Variants in FGFR1OP2 observed in about 807,000 individuals in gnomAD.
The protein encoded by FGFR1OP2 is fibroblast growth factor receptor 1 oncogene partner 2.
In FGFR1OP2, 17 loss-of-function variants were observed where a neutral mutation model predicts 35.2. The ratio of observed to expected loss-of-function variants is 0.48; its 90% CI spans 0.33 to 0.73. The LOEUF is 0.73. Ranked by LOEUF, FGFR1OP2 falls within the 30% of genes least tolerant of loss-of-function variation. The pLI, the probability that FGFR1OP2 is intolerant of heterozygous loss-of-function variation, is 0.02. For synonymous variants in FGFR1OP2, 105 were observed against 104.6 expected, an observed-to-expected ratio of 1.00 and a Z score of -0.03; for missense variants, 251 against 307.3, an observed-to-expected ratio of 0.82 and a Z score of 1.37.
intron 1 of FGFR1OP2, among the ~76,000 whole-genome samples, chr12:26,944,137 G>A (rs932721249): frequency 6.6e-6 from 1 of 152,076 alleles, no homozygotes; most frequent in African/African-American, 2.4e-5. Flanking sequence ...TGTATCCTGT[G>A]ACATTGCTAA....
At chr12:26,940,910 T>A (rs546910023) in intron 1 of FGFR1OP2, among the ~76,000 whole-genome samples, 5 of 152,190 alleles carry the variant, frequency 3.3e-5, no homozygotes, top group Non-Finnish European at 5.9e-5. Context: ...AAATTTTGAC[T>A]TGAATTTCCT....
intron 1 of FGFR1OP2, among the ~76,000 whole-genome samples, chr12:26,941,397 G>T (rs1248752894): frequency 6.6e-6 from 1 of 152,150 alleles, no homozygotes; most frequent in Non-Finnish European, 1.5e-5. Flanking sequence ...TTAAACTTTT[G>T]TGTGTGTGGT....
intron 2 of FGFR1OP2, 33 bp from the exon 3 acceptor site, chr12:26,956,510 A>G (rs1212380561): frequency 1.2e-6 from 1 of 805,110 alleles, no homozygotes; most frequent in Non-Finnish European, 1.8e-6. Context: ...ATTTGCAGGT[A>G]TTTTCATCCC....
chr12:26,964,114 T>C (rs944273561), intron 6 of FGFR1OP2, among the ~76,000 whole-genome samples: 4 of 152,142 alleles, frequency 2.6e-5, no homozygotes, highest in African/African-American at 9.7e-5. Flanking sequence ...TTTGGTCACT[T>C]ACTTTCCTTC....
At chr12:26,939,247 C>G (rs562613619) in intron 1 of FGFR1OP2, among the ~76,000 whole-genome samples, 34 of 149,696 alleles carry the variant, frequency 2.3e-4, no homozygotes, top group African/African-American at 8.1e-4. Context: ...TTTTTTTTTT[C>G]GCCAGAATTA....
chr12:26,965,709 TTTTAAGCTCCATC>T lies in FGFR1OP2; in HGVS notation c.*978_*990del, dbSNP rs1939166905. Reference sequence around the variant, plus strand: ...TTCAAAAAAAAAGTTCCGGATCTGTTTTTAAGCTCCATCTGGTCCTCATAACCTGCAAGATTTT... The same window carrying T: ...TTCAAAAAAAAAGTTCCGGATCTGTTTGGTCCTCATAACCTGCAAGATTTT... On this transcript the variant is annotated 3_prime_UTR_variant, in exon 7 of 7. Coordinates refer to ENST00000229395, the MANE Select transcript of FGFR1OP2 (RefSeq NM_015633.3). The T allele has an allele frequency of 6.6e-6, 1 of 151,600 alleles. No individual in the cohort carries two copies. The highest frequency in any genetic ancestry group is 1.5e-5 in the Non-Finnish European group (1 of 67,908). The allele number at this position is 151,600 out of a possible 1,614,324, so 9.4% of individuals were successfully genotyped here. A position where few individuals can be genotyped will look rare whatever the true frequency, so the allele number is the denominator to read the frequency against.
At chr12:26,947,734 A>C (rs1938852750) in intron 1 of FGFR1OP2, among the ~76,000 whole-genome samples, 1 of 152,150 alleles carries the variant, frequency 6.6e-6, no homozygotes, top group Admixed American at 6.6e-5. Context: ...ATTTTATATA[A>C]ACAATGCATA....
chr12:26,952,333 G>A (rs573547064), intron 1 of FGFR1OP2, among the ~76,000 whole-genome samples: 9 of 152,122 alleles, frequency 5.9e-5, no homozygotes, highest in Admixed American at 1.3e-4. Context: ...CGGCATCTTC[G>A]GATAGATTTT....
intron 1 of FGFR1OP2, among the ~76,000 whole-genome samples, chr12:26,951,029 G>A (rs1209409056): frequency 2.0e-5 from 3 of 152,104 alleles, no homozygotes; most frequent in Admixed American, 6.5e-5. Flanking sequence ...ACTATGCATG[G>A]TAACATGAGG....
chr12:26,964,287 T>A (rs1474098467), intron 6 of FGFR1OP2, among the ~76,000 whole-genome samples: 2 of 152,260 alleles, frequency 1.3e-5, no homozygotes, highest in South Asian at 2.1e-4. Flanking sequence ...AAAATAAATC[T>A]AGATGTTATT....
intron 1 of FGFR1OP2, among the ~76,000 whole-genome samples, chr12:26,950,091 TC>T (rs769515948): frequency 6.6e-6 from 1 of 152,044 alleles, no homozygotes; most frequent in Non-Finnish European, 1.5e-5. Flanking sequence ...AGTCAAAGCA[TC>T]CCGCTTATAG....
At chr12:26,949,895 T>C (rs912721498) in intron 1 of FGFR1OP2, among the ~76,000 whole-genome samples, 4 of 152,238 alleles carry the variant, frequency 2.6e-5, no homozygotes, top group Middle Eastern at 3.4e-3. Flanking sequence ...TGAGGTGTTA[T>C]GTGGTACTAT....
At chr12:26,946,614 G>C (rs928485411) in intron 1 of FGFR1OP2, among the ~76,000 whole-genome samples, 1 of 152,154 alleles carries the variant, frequency 6.6e-6, no homozygotes, top group Non-Finnish European at 1.5e-5. Flanking sequence ...GCCTGACCTT[G>C]TCTGATATTA....
At chr12:26,948,025 A>G (rs867820398) in intron 1 of FGFR1OP2, among the ~76,000 whole-genome samples, 1 of 152,220 alleles carries the variant, frequency 6.6e-6, no homozygotes, top group Non-Finnish European at 1.5e-5. Context: ...CAATATATGT[A>G]AATTTTTAAG....
intron 1 of FGFR1OP2, among the ~76,000 whole-genome samples, chr12:26,938,932 C>G (rs1007686513): frequency 6.6e-6 from 1 of 152,162 alleles, no homozygotes; most frequent in Non-Finnish European, 1.5e-5. Flanking sequence ...GCGGAAAGTT[C>G]AATGAAAAGC....
Position 26,955,411 on chromosome 12 carries a change from A to G in FGFR1OP2, c.135+1118A>G, listed in dbSNP as rs537232836. On this transcript the variant is annotated intron_variant, in intron 2 of 6. Coordinates refer to ENST00000229395, the MANE Select transcript of FGFR1OP2 (RefSeq NM_015633.3). ...TTTAGTACACATTTGCAGGTTATGC[A>G]GTATAACCACTACCTGATTCCAGAA... Among the ~76,000 whole-genome samples, 5 of 152,362 alleles carry G rather than the reference A, an allele frequency of 3.3e-5. No homozygotes were observed. The South Asian group carries it at 1.0e-3, about 32-fold the overall frequency.
rs1260131853 is a variant in FGFR1OP2 at position 26,965,766 on chromosome 12, G to A, written c.*1033G>A. ...AGATTTTTCTTAAAACCTTTCAGCT[G>A]AAAGTGGGGGTAAAGGTGGAGTAAT... On this transcript the variant is annotated 3_prime_UTR_variant, in exon 7 of 7. Coordinates refer to ENST00000229395, the MANE Select transcript of FGFR1OP2 (RefSeq NM_015633.3). 2 of 151,868 alleles carry A rather than the reference G, an allele frequency of 1.3e-5. No homozygotes were observed. Among genetic ancestry groups the A allele is most frequent in the African/African-American group, 4.8e-5 (2 of 41,376 alleles). 9.4% of individuals were successfully genotyped at this position (151,868 alleles called of 1,614,324 possible). A position where few individuals can be genotyped will look rare whatever the true frequency, so the allele number is the denominator to read the frequency against.
At chr12:26,951,840 TAAA>T (rs1273573690) in intron 1 of FGFR1OP2, among the ~76,000 whole-genome samples, 1 of 152,194 alleles carries the variant, frequency 6.6e-6, no homozygotes, top group African/African-American at 2.4e-5. Flanking sequence ...TTTTAGTGTG[TAAA>T]GAAGGGTTCT....
intron 2 of FGFR1OP2, among the ~76,000 whole-genome samples, chr12:26,955,948 T>C (rs1939011348): frequency 2.6e-5 from 4 of 152,190 alleles, no homozygotes; most frequent in African/African-American, 9.7e-5. Flanking sequence ...ACTTGCTGGC[T>C]GCATATGGCC....
Sources: allele counts gnomAD v4.1 joint callset (sites outside exome capture counted in the v4.1 genomes callset), GRCh38; gene constraint gnomAD v4.1.1; transcripts MANE v1.5; gene names NCBI Gene and HGNC (gene_info 2026-07-23, HGNC 2026-07-21).